SLC1A1: variants seen among roughly 807,000 people sequenced by gnomAD.
The protein encoded by SLC1A1 is excitatory amino acid transporter 3.
A neutral mutation model predicts 53.3 loss-of-function variants in SLC1A1; 43 were observed. The ratio of observed to expected loss-of-function variants is 0.81; its 90% CI spans 0.63 to 1.04. The LOEUF (loss-of-function observed/expected upper bound fraction) is 1.04. SLC1A1 is among the 50% of genes least tolerant of loss of function. The pLI, the probability that SLC1A1 is intolerant of heterozygous loss-of-function variation, is 0.00. For missense variants in SLC1A1, 748 were observed against 664.9 expected (o/e 1.12, Z -1.37); for synonymous variants, 307 against 243.2 (o/e 1.26, Z -2.44).
rs1234399484 is a variant in SLC1A1 at position 4,490,501 on chromosome 9, G to T, written c.-179G>T. On this transcript the variant is annotated 5_prime_UTR_variant, in exon 1 of 12. Coordinates refer to ENST00000262352, the MANE Select transcript of SLC1A1 (RefSeq NM_004170.6). ...ACCGGGCTGGCAGGGCGGCGGGCGC[G>T]GTGCGCGATCCCGGGTGGCGGCGGC... 5 of 390,786 alleles carry T rather than the reference G, an allele frequency of 1.3e-5. No individual in the cohort carries two copies. The highest frequency in any genetic ancestry group is 4.8e-5 in the Admixed American group (1 of 20,880). 24.2% of individuals were successfully genotyped at this position (390,786 alleles called of 1,614,324 possible). A position where few individuals can be genotyped will look rare whatever the true frequency, so the allele number is the denominator to read the frequency against.
At chr9:4,513,337 G>C (rs1380511474) in intron 1 of SLC1A1, among the ~76,000 whole-genome samples, 1 of 152,064 alleles carries the variant, frequency 6.6e-6, no homozygotes, top group African/African-American at 2.4e-5. Context: ...AATATATAGA[G>C]AAACTCTCAA....
At chr9:4,524,300 G>A (rs937507701) in intron 1 of SLC1A1, among the ~76,000 whole-genome samples, 5 of 152,124 alleles carry the variant, frequency 3.3e-5, no homozygotes, top group African/African-American at 1.2e-4. Context: ...AATAATTGAT[G>A]GTGGTGTCAC....
chr9:4,553,502 G>C lies in SLC1A1; in HGVS notation c.233-7947G>C, dbSNP rs143418992. On this transcript the variant is annotated intron_variant, in intron 2 of 11. Coordinates refer to ENST00000262352, the MANE Select transcript of SLC1A1 (RefSeq NM_004170.6). ...CTGCCTCAGCCTCCCAAGTAGCTGG[G>C]ACTATAGGTGTGTGCCACCACCACC... 528 of 152,318 alleles carry C rather than the reference G, an allele frequency of 3.5e-3. 4 individuals carry two copies. Among genetic ancestry groups the C allele is most frequent in the Non-Finnish European group, 5.3e-3 (364 of 68,258 alleles). The allele number at this position is 152,318 out of a possible 1,614,324, so 9.4% of individuals were successfully genotyped here.
At chr9:4,491,588 T>C (rs1051929630) in intron 1 of SLC1A1, among the ~76,000 whole-genome samples, 3 of 152,342 alleles carry the variant, frequency 2.0e-5, no homozygotes, top group African/African-American at 7.2e-5. Flanking sequence ...GTCTGAGCCA[T>C]TGCTCAGAGG....
rs567833399 is a variant in SLC1A1 at position 4,566,645 on chromosome 9, C to G, written c.483+556C>G. On this transcript the variant is annotated intron_variant, in intron 5 of 11. Transcript: ENST00000262352. ...GGCAGATCCCTTGAGCTCAGGAGTT[C>G]CAGACTAGCCTGGGCAACATGGCAA... 3.8e-4 allele frequency among the ~76,000 whole-genome samples: 58 copies of G among 152,070 alleles called. 1 individual carries two copies. In the South Asian group the frequency reaches 0.011, roughly 29 times the overall value.
intron 1 of SLC1A1, among the ~76,000 whole-genome samples, chr9:4,521,563 T>C (rs911832295): frequency 2.1e-4 from 32 of 152,212 alleles, no homozygotes; most frequent in African/African-American, 7.7e-4. Flanking sequence ...AGAAAAATTC[T>C]GGGGCGGATG....
chr9:4,564,364 A>C lies in SLC1A1; in HGVS notation c.346A>C (p.Ile116Leu), dbSNP rs748961792. The change falls in exon 4 of 12, where the codon ATC (isoleucine) becomes CTC (leucine). Residue 116 changes from isoleucine to leucine, a missense_variant. By Grantham distance (5) the Ile-to-Leu change is conservative (BLOSUM62 2). Coordinates refer to ENST00000262352, the MANE Select transcript of SLC1A1 (RefSeq NM_004170.6). ...CACAGGTATTGTGCTGGTGGTGAGC[A>C]TCAAGCCTGGTGTCACCCAGAAAGT... ...VILGIVLVVSIKPGVTQKVGE... is the reference protein window; with the variant it reads ...VILGIVLVVSLKPGVTQKVGE... 6.2e-7 allele frequency: 1 copy of C among 1,613,576 alleles called. No individual in the cohort carries two copies. The highest frequency in any genetic ancestry group is 1.7e-5 in the Admixed American group (1 of 59,982).
At chr9:4,540,028 C>T (rs551860488) in intron 1 of SLC1A1, among the ~76,000 whole-genome samples, 33 of 152,304 alleles carry the variant, frequency 2.2e-4, no homozygotes, top group Admixed American at 6.5e-4. Flanking sequence ...TTTTCCTGCT[C>T]AAATGTTGCC....
chr9:4,555,416 C>G (rs571664275), intron 2 of SLC1A1, among the ~76,000 whole-genome samples: 1 of 152,290 alleles, frequency 6.6e-6, no homozygotes, highest in Non-Finnish European at 1.5e-5. Flanking sequence ...GTCTTTTGCC[C>G]TCAGATGTTT....
At chr9:4,537,029 A>G (rs1816700114) in intron 1 of SLC1A1, among the ~76,000 whole-genome samples, 2 of 151,388 alleles carry the variant, frequency 1.3e-5, no homozygotes, top group Non-Finnish European at 2.9e-5. Context: ...AATATCACAC[A>G]CCAGGGCCTG....
In SLC1A1 at chr9:4,490,885, G is replaced by GC. The variant is rs142132122; in HGVS notation, c.91+120dup. 1,858 of 796,794 alleles carry GC rather than the reference G, an allele frequency of 2.3e-3. 26 individuals are homozygous for GC. In the African/African-American group the frequency reaches 0.029, roughly 13 times the overall value. 49.4% of individuals were successfully genotyped at this position (796,794 alleles called of 1,614,324 possible). A position where few individuals can be genotyped will look rare whatever the true frequency, so the allele number is the denominator to read the frequency against. On this transcript the variant is annotated intron_variant, in intron 1 of 11. Transcript: ENST00000262352. ...CGCACTCCATGCAGGGTCCCTCGAT[G>GC]CCCCCTCGGCCTTAGCCTCGGGCCC...
chr9:4,528,211 C>G (rs1367726327), intron 1 of SLC1A1, among the ~76,000 whole-genome samples: 1 of 152,132 alleles, frequency 6.6e-6, no homozygotes, highest in South Asian at 2.1e-4. Flanking sequence ...CAGCCCACCT[C>G]CCCTTCTCAC....
At chr9:4,492,287 TAA>T (rs1820262775) in intron 1 of SLC1A1, among the ~76,000 whole-genome samples, 1 of 152,088 alleles carries the variant, frequency 6.6e-6, no homozygotes. Flanking sequence ...TTCCTAGTGA[TAA>T]GAGTCGAGGA....
chr9:4,519,935 C>T (rs1000015156), intron 1 of SLC1A1, among the ~76,000 whole-genome samples: 3 of 152,138 alleles, frequency 2.0e-5, no homozygotes, highest in African/African-American at 4.8e-5. Context: ...GATTTTTTCT[C>T]GGCCATTAGC....
chr9:4,518,703 A>C (rs1168614648), intron 1 of SLC1A1, among the ~76,000 whole-genome samples: 2 of 152,118 alleles, frequency 1.3e-5, no homozygotes, highest in Non-Finnish European at 2.9e-5. Flanking sequence ...CTGTCCATCA[A>C]GGTAGAGTGA....
intron 1 of SLC1A1, among the ~76,000 whole-genome samples, chr9:4,491,975 A>G (rs1820251399): frequency 6.6e-6 from 1 of 152,146 alleles, no homozygotes; most frequent in South Asian, 2.1e-4. Flanking sequence ...AGTTAATGGG[A>G]TTCTTGGGGT....
intron 1 of SLC1A1, 48 bp downstream of exon 1, chr9:4,490,818 T>C: frequency 1.3e-6 from 2 of 1,507,830 alleles, no homozygotes; most frequent in Non-Finnish European, 1.8e-6. Flanking sequence ...ACGCGCTCTC[T>C]GCGCCCAGGC....
rs558731412 is a variant in SLC1A1, at chr9:4,576,264, T to G, written c.998+141T>G. The G allele has an allele frequency of 1.1e-5, 9 of 822,526 alleles. No homozygotes were observed. The South Asian group carries it at 1.1e-4, about 10-fold the overall frequency. 51.0% of individuals were successfully genotyped at this position (822,526 alleles called of 1,614,324 possible). ...CCTCCGTATTCTCGGCCCCTGGCCC[T>G]GAACACATTGCTTCATGCTGTTGCA... On this transcript the variant is annotated intron_variant, in intron 9 of 11. Coordinates refer to ENST00000262352, the MANE Select transcript of SLC1A1 (RefSeq NM_004170.6).
chr9:4,531,972 C>T (rs1173326599), intron 1 of SLC1A1, among the ~76,000 whole-genome samples: 1 of 152,184 alleles, frequency 6.6e-6, no homozygotes, highest in African/African-American at 2.4e-5. Flanking sequence ...CAAGCAAACT[C>T]CAACAGACCT....
Sources: allele counts gnomAD v4.1 joint callset (sites outside exome capture counted in the v4.1 genomes callset), GRCh38; gene constraint gnomAD v4.1.1; transcripts MANE v1.5; gene names NCBI Gene and HGNC (gene_info 2026-07-23, HGNC 2026-07-21).